Variants in FOXP1 observed in about 807,000 individuals in gnomAD.
The protein encoded by FOXP1 is forkhead box protein P1.
A neutral mutation model predicts 98.2 loss-of-function variants in FOXP1; 15 were observed. The ratio of observed to expected loss-of-function variants is 0.15; its 90% CI spans 0.10 to 0.24. The LOEUF is 0.24. Ranked by LOEUF, FOXP1 falls within the 10% of genes least tolerant of loss-of-function variation. FOXP1 has a pLI of 1.00. For synonymous variants in FOXP1, 371 were observed against 314.5 expected (o/e 1.18, Z -1.90); for missense variants, 633 against 848.5 (o/e 0.75, Z 3.15).
intron 3 of FOXP1, among the ~76,000 whole-genome samples, chr3:71,446,240 GA>G: frequency 6.6e-6 from 1 of 152,262 alleles, no homozygotes; most frequent in Non-Finnish European, 1.5e-5. Flanking sequence ...GGGCACCCTT[GA>G]TTTTTTTTAA....
intron 11 of FOXP1, among the ~76,000 whole-genome samples, chr3:71,031,281 T>A (rs1193950755): frequency 6.6e-6 from 1 of 152,192 alleles, no homozygotes; most frequent in Non-Finnish European, 1.5e-5. Flanking sequence ...TTAGACTGAT[T>A]TCCTTGAAGA....
Position 70,955,225 on chromosome 3 carries a change from T to C in FOXP1, c.*4022A>G, listed in dbSNP as rs745557463. On this transcript the variant is annotated 3_prime_UTR_variant, in exon 21 of 21. Transcript: ENST00000649528. Reference sequence around the variant, plus strand: ...AAATATTTTTTAACTCTATTTTTTTTCATGAGGAAAAAAAAGCTAGTGATT... The same window carrying C: ...AAATATTTTTTAACTCTATTTTTTTCCATGAGGAAAAAAAAGCTAGTGATT... 7.3e-5 allele frequency: 17 copies of C among 232,644 alleles called. No individual in the cohort carries two copies. Among genetic ancestry groups the C allele is most frequent in the Non-Finnish European group, 3.4e-5 (4 of 117,704 alleles). The allele number at this position is 232,644 out of a possible 1,614,324, so 14.4% of individuals were successfully genotyped here. A position where few individuals can be genotyped will look rare whatever the true frequency, so the allele number is the denominator to read the frequency against.
At chr3:71,443,399 T>C (rs2086124155) in intron 3 of FOXP1, among the ~76,000 whole-genome samples, 1 of 152,234 alleles carries the variant, frequency 6.6e-6, no homozygotes, top group South Asian at 2.1e-4. Context: ...TTATTGTTAA[T>C]GACAGTCGCC....
At chr3:71,447,625 C>T (rs1215796541) in intron 3 of FOXP1, among the ~76,000 whole-genome samples, 2 of 152,196 alleles carry the variant, frequency 1.3e-5, no homozygotes, top group Non-Finnish European at 2.9e-5. Context: ...ATGAGGTTCA[C>T]GCTAGCAGCA....
intron 6 of FOXP1, among the ~76,000 whole-genome samples, chr3:71,135,328 G>C (rs1488597842): frequency 6.6e-6 from 1 of 152,048 alleles, no homozygotes; most frequent in South Asian, 2.1e-4. Flanking sequence ...AAAAAGGAGG[G>C]GGGACCAAAA....
At position 71,198,277 on chromosome 3, in the gene FOXP1, C is replaced by T. The variant is rs763550745; in HGVS notation, c.105G>A (p.Gly35=). The part of the protein sequence containing the change: ...HLLECGGLRE[G]RSNGETPAVD... ...CGGCCGGCGTCTCTCCGTTGGACCG[C>T]CCCTCCCGAAGACCGCCGCACTCTA... is the stretch of plus-strand genomic sequence containing the variant. Residue 35 remains glycine (G), a synonymous_variant, in exon 6 of 21, where the codon GGG becomes GGA. Transcript: ENST00000649528. 7.4e-6 allele frequency: 12 copies of T among 1,614,050 alleles called. No homozygotes were observed. In the Admixed American group the frequency reaches 1.5e-4, roughly 20 times the overall value.
intron 3 of FOXP1, among the ~76,000 whole-genome samples, chr3:71,450,746 A>C (rs540702260): frequency 6.6e-6 from 1 of 152,236 alleles, no homozygotes; most frequent in South Asian, 2.1e-4. Context: ...TCATTTTTTT[A>C]ATTTAAAGAG....
At chr3:71,395,655 G>C (rs568043427) in intron 3 of FOXP1, among the ~76,000 whole-genome samples, 6 of 152,130 alleles carry the variant, frequency 3.9e-5, no homozygotes, top group African/African-American at 1.4e-4. Context: ...TAGAATACCA[G>C]CAACACAACA....
At chr3:71,198,152 T>C in intron 6 of FOXP1, 50 bp downstream of exon 6, 3 of 1,613,840 alleles carry the variant, frequency 1.9e-6, no homozygotes, top group Non-Finnish European at 2.5e-6. Flanking sequence ...AATTCAGCAG[T>C]AAAATTCGCA....
At position 71,381,942 on chromosome 3, in the gene FOXP1, G is replaced by A. The variant is rs72957377; in HGVS notation, c.-167-22698C>T. Among the ~76,000 whole-genome samples the A allele has an allele frequency of 9.4e-3, 1,433 of 152,212 alleles. 26 individuals are homozygous for A. Among genetic ancestry groups the A allele is most frequent in the African/African-American group, 0.032 (1,308 of 41,522 alleles). On this transcript the variant is annotated intron_variant, in intron 3 of 20. Transcript: ENST00000649528. ...CCAAGGAAATTGACATTTGATTAAC[G>A]TCAAAGTCTTATGCAAATGACTGAA... is the stretch of plus-strand genomic sequence containing the variant.
intron 3 of FOXP1, among the ~76,000 whole-genome samples, chr3:71,459,273 G>C (rs1008897388): frequency 6.6e-6 from 1 of 152,180 alleles, no homozygotes; most frequent in African/African-American, 2.4e-5. Flanking sequence ...TGACTGAAGA[G>C]CTCTGGATTG....
chr3:71,561,947 T>C (rs2046574088), intron 2 of FOXP1, among the ~76,000 whole-genome samples: 1 of 152,206 alleles, frequency 6.6e-6, no homozygotes, highest in Admixed American at 6.5e-5. Context: ...ATTTTTCATC[T>C]TCTACTTGCA....
At chr3:71,321,012 G>A (rs1221735328) in intron 4 of FOXP1, among the ~76,000 whole-genome samples, 1 of 150,740 alleles carries the variant, frequency 6.6e-6, no homozygotes, top group Admixed American at 6.7e-5. Context: ...AATGAGCAAG[G>A]AAGCTATAAG....
chr3:71,192,104 C>A (rs2063015975), intron 6 of FOXP1, among the ~76,000 whole-genome samples: 1 of 152,162 alleles, frequency 6.6e-6, no homozygotes, highest in African/African-American at 2.4e-5. Context: ...CCTTCTAGGA[C>A]ACAGAGGTGC....
At chr3:71,342,483 A>G (rs750398817) in intron 4 of FOXP1, among the ~76,000 whole-genome samples, 2 of 152,174 alleles carry the variant, frequency 1.3e-5, no homozygotes, top group African/African-American at 4.8e-5. Flanking sequence ...CAGCCTGATC[A>G]GGAGTTCGAG....
chr3:71,490,357 G>T (rs939716034), intron 3 of FOXP1, among the ~76,000 whole-genome samples: 1 of 152,124 alleles, frequency 6.6e-6, no homozygotes, highest in African/African-American at 2.4e-5. Context: ...AATTAGCTGG[G>T]TGTGGTGGTG....
At chr3:71,269,313 C>T (rs2107280040) in intron 5 of FOXP1, among the ~76,000 whole-genome samples, 1 of 151,956 alleles carries the variant, frequency 6.6e-6, no homozygotes, top group Non-Finnish European at 1.5e-5. Context: ...TCCTCAAAAG[C>T]CCTTGGAAAG....
chr3:71,422,252 A>T (rs562457569), intron 3 of FOXP1, among the ~76,000 whole-genome samples: 1 of 152,250 alleles, frequency 6.6e-6, no homozygotes, highest in African/African-American at 2.4e-5. Flanking sequence ...CAGCATCAGC[A>T]TAAACACGAA....
intron 17 of FOXP1, among the ~76,000 whole-genome samples, chr3:70,976,263 A>T: frequency 6.6e-6 from 1 of 151,834 alleles, no homozygotes; most frequent in Non-Finnish European, 1.5e-5. Context: ...TACGTTGCCC[A>T]GGCTGGTCTC....
Sources: gnomAD v4.1 joint callset for allele counts (sites outside exome capture counted in the v4.1 genomes callset) on GRCh38, gnomAD v4.1.1 for gene constraint, MANE v1.5 for transcripts, NCBI Gene and HGNC (gene_info 2026-07-23, HGNC 2026-07-21) for gene names.